Variants in CCDC30 observed in about 807,000 individuals in gnomAD.
CCDC30 encodes the protein coiled-coil domain containing 30.
In CCDC30, 70 loss-of-function variants were observed where a neutral mutation model predicts 100.2. The observed-to-expected ratio is 0.70, with a 90% CI of 0.58 to 0.85. CCDC30 has a LOEUF of 0.85. CCDC30 is among the 40% of genes least tolerant of loss of function. CCDC30 has a pLI of 0.00. For synonymous variants in CCDC30, 233 were observed against 269.5 expected (o/e 0.86, Z 1.33); for missense variants, 652 against 771.2 (o/e 0.85, Z 1.83).
chr1:42,567,807 A>G (rs561521304), intron 7 of CCDC30, among the ~76,000 whole-genome samples: 59 of 152,320 alleles, frequency 3.9e-4, no homozygotes, highest in African/African-American at 1.3e-3. Flanking sequence ...ACAGATTATA[A>G]TGCCTTACAT....
chr1:42,657,068 T>C (rs1171128084), downstream of CCDC30, among the ~76,000 whole-genome samples: 1 of 152,206 alleles, frequency 6.6e-6, no homozygotes, highest in East Asian at 1.9e-4. Context: ...AATGACCCTT[T>C]ACATTGAGAC....
intron 11 of CCDC30, among the ~76,000 whole-genome samples, chr1:42,621,616 A>G (rs943399184): frequency 3.3e-5 from 5 of 151,966 alleles, no homozygotes; most frequent in Non-Finnish European, 7.4e-5. Context: ...GGTTCACGCC[A>G]TTCTCCTGCC....
At chr1:42,602,887 T>G in intron 10 of CCDC30, among the ~76,000 whole-genome samples, 1 of 152,164 alleles carries the variant, frequency 6.6e-6, no homozygotes, top group East Asian at 1.9e-4. Context: ...AGCAAAATAT[T>G]AGCAAACCAT....
rs113235233 is a variant in CCDC30 at position 42,474,349 on chromosome 1, G to T, written c.-91-6112G>T. ...GAGATGTTAATAGCATCTTCAAAGG[G>T]ATTTGTGAGATTTATACAGGTTAGT... On this transcript the variant is annotated intron_variant, in intron 1 of 16. Transcript: ENST00000668663. Among the ~76,000 whole-genome samples, 9 of 152,282 alleles carry T rather than the reference G, an allele frequency of 5.9e-5. 1 individual carries two copies. The highest frequency in any genetic ancestry group is 2.2e-4 in the African/African-American group (9 of 41,562).
In CCDC30 at chr1:42,563,202, C is replaced by T. The variant is rs537832441; in HGVS notation, c.457-3094C>T. Among the ~76,000 whole-genome samples the T allele has an allele frequency of 2.6e-5, 4 of 152,286 alleles. No homozygotes were observed. In the East Asian group the frequency reaches 7.7e-4, roughly 29 times the overall value. On this transcript the variant is annotated intron_variant, in intron 6 of 16. Coordinates refer to ENST00000668663, the Ensembl canonical transcript of CCDC30. Reference sequence around the variant, plus strand: ...TACAATAGCAAAGACATGGAACCAACTCAAATGCCCATCAGTGATAGATTG... The same window carrying T: ...TACAATAGCAAAGACATGGAACCAATTCAAATGCCCATCAGTGATAGATTG...
the CCDC30 span, chr1:42,456,499 G>C: frequency 4.1e-5 from 58 of 1,414,920 alleles, 1 homozygote; most frequent in South Asian, 7.6e-4. Flanking sequence ...GCGTACACCA[G>C]GTAGGCGAGA....
chr1:42,626,499 C>T (rs930076396), intron 11 of CCDC30, among the ~76,000 whole-genome samples: 2 of 152,000 alleles, frequency 1.3e-5, no homozygotes, highest in African/African-American at 4.8e-5. Context: ...GATTTAGTTT[C>T]CTTTTTATTT....
At chr1:42,652,747 A>G (rs959338621) in intron 15 of CCDC30, among the ~76,000 whole-genome samples, 36 of 152,208 alleles carry the variant, frequency 2.4e-4, no homozygotes, top group African/African-American at 6.3e-4. Flanking sequence ...GAAGCTTGAA[A>G]ACATGATAAT....
chr1:42,620,243 A>T (rs918960835), intron 11 of CCDC30, among the ~76,000 whole-genome samples: 1 of 152,176 alleles, frequency 6.6e-6, no homozygotes, highest in African/African-American at 2.4e-5. Context: ...CTACTTGAGG[A>T]GTAGGGGAAG....
chr1:42,584,028 A>C (rs1241071046), intron 9 of CCDC30, among the ~76,000 whole-genome samples: 6 of 152,240 alleles, frequency 3.9e-5, no homozygotes, highest in African/African-American at 1.4e-4. Flanking sequence ...AAGGTGGAGC[A>C]GTTGTAGGCC....
the CCDC30 span, chr1:42,457,508 T>C: frequency 1.5e-6 from 1 of 647,742 alleles, no homozygotes; most frequent in South Asian, 1.8e-5. Context: ...CCTCACAATC[T>C]AGTGAGGGAG....
intron 10 of CCDC30, chr1:42,594,238 G>A (rs915706994): frequency 6.6e-6 from 1 of 152,256 alleles, no homozygotes; most frequent in Non-Finnish European, 1.5e-5. Flanking sequence ...GCCAGGTGTG[G>A]TGGCTCACGA....
At chr1:42,575,619 C>A in intron 7 of CCDC30, among the ~76,000 whole-genome samples, 1 of 105,814 alleles carries the variant, frequency 9.5e-6, no homozygotes, top group Admixed American at 1.4e-4. Context: ...TACTGCACTC[C>A]AGCCTGGGCG....
intron 11 of CCDC30, among the ~76,000 whole-genome samples, chr1:42,632,333 GGTA>G (rs1647053415): frequency 6.6e-6 from 1 of 152,040 alleles, no homozygotes; most frequent in South Asian, 2.1e-4. Context: ...TGGGCGTGGT[GGTA>G]CACACTTGTA....
intron 6 of CCDC30, among the ~76,000 whole-genome samples, chr1:42,562,093 T>A (rs1362518093): frequency 6.6e-6 from 1 of 152,168 alleles, no homozygotes; most frequent in Non-Finnish European, 1.5e-5. Context: ...TTCACAGAAT[T>A]AGAAAAAACT....
chr1:42,606,651 C>T (rs776618203), intron 10 of CCDC30, among the ~76,000 whole-genome samples: 2 of 152,200 alleles, frequency 1.3e-5, no homozygotes, highest in Admixed American at 6.5e-5. Context: ...AGAAATCTCT[C>T]GTGGGTCTCA....
At chr1:42,456,350 C>G in the CCDC30 span, 1 of 628,544 alleles carries the variant, frequency 1.6e-6, no homozygotes, top group Non-Finnish European at 2.7e-6. Context: ...CAGATGCCCA[C>G]CCAGCCGGGG....
At chr1:42,583,894 A>G (rs1646016893) in intron 9 of CCDC30, among the ~76,000 whole-genome samples, 1 of 152,232 alleles carries the variant, frequency 6.6e-6, no homozygotes. Context: ...AAGCCATGTC[A>G]GTTCTTGCTG....
At chr1:42,587,450 A>T (rs1646096481) in intron 9 of CCDC30, among the ~76,000 whole-genome samples, 1 of 152,242 alleles carries the variant, frequency 6.6e-6, no homozygotes, top group Admixed American at 6.5e-5. Context: ...GAAGTAGGCC[A>T]TAATAGCAGG....
Sources: allele counts gnomAD v4.1 joint callset (sites outside exome capture counted in the v4.1 genomes callset), GRCh38; gene constraint gnomAD v4.1.1; transcripts MANE v1.5; gene names NCBI Gene and HGNC (gene_info 2026-07-23, HGNC 2026-07-21).